Variants in ERCC6 observed in about 807,000 individuals in gnomAD.
The protein encoded by ERCC6 is DNA excision repair protein ERCC-6.
ERCC6 carries 116 observed loss-of-function variants against 158.7 expected under a neutral mutation model. The observed-to-expected ratio is 0.73, with a 90% confidence interval of 0.63 to 0.85. The LOEUF (loss-of-function observed/expected upper bound fraction) is 0.85, where lower values mean the gene tolerates loss of function less well. Among genes scored for constraint, ERCC6 ranks in the 40% least tolerant of loss-of-function variants. ERCC6 has a pLI of 0.00. For missense variants in ERCC6, 1,698 were observed against 1,799.4 expected (o/e 0.94, Z 1.02); for synonymous variants, 678 against 659.3 (o/e 1.03, Z -0.43).
chr10:49,503,723 C>T (rs1169135306), intron 6 of ERCC6: 1 of 152,056 alleles, frequency 6.6e-6, no homozygotes, highest in Non-Finnish European at 1.5e-5. Flanking sequence ...TAAATAAAAA[C>T]ATATTATAGA....
chr10:49,498,956 AAAAACACCCAACAGAGTTGCAG>A (rs1407761842), intron 7 of ERCC6, among the ~76,000 whole-genome samples: 3 of 152,218 alleles, frequency 2.0e-5, no homozygotes, highest in Admixed American at 2.0e-4. Flanking sequence ...TCTAGTTACC[AAAAACACCCAACAGAGTTGCAG>A]AAAACAAGCC....
At chr10:49,510,155 A>C (rs113343547) in intron 5 of ERCC6, among the ~76,000 whole-genome samples, 1 of 152,078 alleles carries the variant, frequency 6.6e-6, no homozygotes, top group African/African-American at 2.4e-5. Context: ...AGCAACTCAG[A>C]CCCAGCACAA....
chr10:49,529,849 T>C (rs4253033), intron 3 of ERCC6, among the ~76,000 whole-genome samples: 5,030 of 152,174 alleles, frequency 0.033, 269 homozygotes, highest in African/African-American at 0.11. Flanking sequence ...TAAAAAATGT[T>C]TCAGACCTCA....
the ERCC6 span, among the ~76,000 whole-genome samples, chr10:49,444,245 G>C: frequency 6.6e-6 from 1 of 152,136 alleles, no homozygotes; most frequent in African/African-American, 2.4e-5. Flanking sequence ...GGAGAAATGG[G>C]AGCCTTCACC....
chr10:49,476,085 G>T (rs1448977981), intron 12 of ERCC6, 130 bp downstream of exon 12: 2 of 723,446 alleles, frequency 2.8e-6, no homozygotes, highest in Non-Finnish European at 2.5e-6. Flanking sequence ...TCTACCATGC[G>T]GGACTTCATG....
At chr10:49,535,680 A>C (rs1472758679) in intron 1 of ERCC6, among the ~76,000 whole-genome samples, 4 of 152,264 alleles carry the variant, frequency 2.6e-5, no homozygotes, top group Non-Finnish European at 5.9e-5. Context: ...AAATAATATC[A>C]AAAAGCAATA....
chr10:49,465,357 C>T (rs1309119297), intron 18 of ERCC6, among the ~76,000 whole-genome samples: 1 of 152,214 alleles, frequency 6.6e-6, no homozygotes, highest in Non-Finnish European at 1.5e-5. Context: ...AAGTAACTAA[C>T]TTGCTTTTGA....
chr10:49,472,879 C>T (rs549425113), intron 15 of ERCC6, 30 bp downstream of exon 15: 3 of 1,606,448 alleles, frequency 1.9e-6, no homozygotes, highest in Admixed American at 1.7e-5. Flanking sequence ...TCTACTAATA[C>T]ATTCTTTTAA....
chr10:49,462,238 A>C (rs1219754344), intron 18 of ERCC6, among the ~76,000 whole-genome samples: 1 of 152,220 alleles, frequency 6.6e-6, no homozygotes, highest in Non-Finnish European at 1.5e-5. Context: ...AATGTACTAC[A>C]TGATAAAGGC....
intron 5 of ERCC6, chr10:49,515,291 G>A: frequency 1.9e-6 from 3 of 1,568,010 alleles, no homozygotes; most frequent in South Asian, 1.2e-5. Flanking sequence ...TGTACATAAT[G>A]TATAAAACTA....
chr10:49,515,750 C>A (rs530214510), intron 5 of ERCC6: 1 of 1,614,028 alleles, frequency 6.2e-7, no homozygotes, highest in Non-Finnish European at 8.5e-7. Context: ...ACTGGTTATA[C>A]ACTTTGATCA....
chr10:49,444,966 A>C, the ERCC6 span, among the ~76,000 whole-genome samples: 2 of 152,338 alleles, frequency 1.3e-5, no homozygotes, highest in African/African-American at 4.8e-5. Context: ...ATGACCAAAT[A>C]GGGGTTCCCC....
intron 18 of ERCC6, among the ~76,000 whole-genome samples, chr10:49,465,688 T>C (rs1311370735): frequency 1.3e-5 from 2 of 152,216 alleles, no homozygotes; most frequent in Non-Finnish European, 2.9e-5. Context: ...GAGTCTTATA[T>C]GAGATCTGAT....
chr10:49,517,044 G>C, intron 5 of ERCC6: 1 of 1,613,592 alleles, frequency 6.2e-7, no homozygotes, highest in Non-Finnish European at 8.5e-7. Flanking sequence ...TATCACTATA[G>C]CACTTGCTTC....
At chr10:49,467,724 C>G (rs966043748) in intron 18 of ERCC6, among the ~76,000 whole-genome samples, 1 of 151,904 alleles carries the variant, frequency 6.6e-6, no homozygotes, top group African/African-American at 2.4e-5. Flanking sequence ...TGCTACCACA[C>G]CCGGCTATTT....
chr10:49,470,918 T>G, intron 17 of ERCC6, 29 bp from the exon 18 acceptor site: 5 of 1,613,522 alleles, frequency 3.1e-6, no homozygotes, highest in Non-Finnish European at 4.2e-6. Flanking sequence ...CCACTAATAC[T>G]ATATTGTATC....
In ERCC6 at chr10:49,485,033, T is replaced by C. The variant is rs920300705; in HGVS notation, c.1822-1517A>G. On this transcript the variant is annotated intron_variant, in intron 8 of 20. Transcript: ENST00000355832. ...ACTTGGAAGATCAGTCACCAAGAGA[T>C]TGGCTAACTACAGTGCACTGCACCC... 1.1e-4 allele frequency among the ~76,000 whole-genome samples: 16 copies of C among 152,136 alleles called. No homozygotes were observed. In the South Asian group the frequency reaches 1.2e-3, roughly 12 times the overall value.
intron 18 of ERCC6, 144 bp downstream of exon 18, chr10:49,470,038 A>G: frequency 1.3e-6 from 1 of 775,878 alleles, no homozygotes; most frequent in South Asian, 1.5e-5. Context: ...AAATGTCAAT[A>G]TATTTCAAAT....
At chr10:49,447,133 A>G in the ERCC6 span, among the ~76,000 whole-genome samples, 25,532 of 152,232 alleles carry the variant, frequency 0.17, 2,519 homozygotes, top group East Asian at 0.46. Context: ...AAAAAGACAC[A>G]TAAATCATAA....
Sources: allele counts gnomAD v4.1 joint callset (sites outside exome capture counted in the v4.1 genomes callset), GRCh38; gene constraint gnomAD v4.1.1; transcripts MANE v1.5; gene names NCBI Gene and HGNC (gene_info 2026-07-23, HGNC 2026-07-21).